The following EPB41 variants were observed in gnomAD, a reference collection of about 807,000 sequenced individuals.
EPB41 encodes the protein protein 4.1.
In EPB41, 65 loss-of-function variants were observed where a neutral mutation model predicts 108.0. The observed-to-expected ratio is 0.60, with a 90% CI of 0.49 to 0.74. The LOEUF is 0.74. Ranked by LOEUF, EPB41 falls within the 30% of genes least tolerant of loss-of-function variation. EPB41 has a pLI of 0.00. For missense variants in EPB41, 875 were observed against 1,037.0 expected (o/e 0.84, Z 2.15); for synonymous variants, 336 against 358.9 (o/e 0.94, Z 0.72).
intron 1 of EPB41, among the ~76,000 whole-genome samples, chr1:28,891,529 C>T (rs1444063509): frequency 6.6e-6 from 1 of 152,132 alleles, no homozygotes; most frequent in Non-Finnish European, 1.5e-5. Context: ...AAGTGGCACC[C>T]CTGAGGACAC....
chr1:29,011,936 C>A, intron 5 of EPB41, 29 bp downstream of exon 5: 1 of 1,612,364 alleles, frequency 6.2e-7, no homozygotes, highest in African/African-American at 1.3e-5. Context: ...TTTTATAGTT[C>A]TTTCTTTCTT....
chr1:29,013,017 A>T (rs1485223104), intron 5 of EPB41, among the ~76,000 whole-genome samples: 1 of 152,174 alleles, frequency 6.6e-6, no homozygotes, highest in Non-Finnish European at 1.5e-5. Flanking sequence ...AAGTTAACAG[A>T]GTTTATGATG....
At chr1:29,073,988 T>C (rs1371654404) in intron 16 of EPB41, among the ~76,000 whole-genome samples, 5 of 152,178 alleles carry the variant, frequency 3.3e-5, no homozygotes. Flanking sequence ...GTAATACTTC[T>C]TATAGATAAG....
rs113538551 is a variant in EPB41 at position 28,901,683 on chromosome 1, G to A, written c.-8+14473G>A. Among the ~76,000 whole-genome samples the A allele has an allele frequency of 8.5e-3, 1,295 of 151,948 alleles. 16 individuals are homozygous for A. Among genetic ancestry groups the A allele is most frequent in the African/African-American group, 0.03 (1,255 of 41,412 alleles). On this transcript the variant is annotated intron_variant, in intron 1 of 16. Transcript: ENST00000347529. ...TGAGTAGCTGGGATTACAGGCACCC[G>A]CCACCACGCCCATCTAATTTTTGTA...
intron 7 of EPB41, among the ~76,000 whole-genome samples, chr1:29,029,628 A>G (rs1289618862): frequency 4.6e-5 from 7 of 152,210 alleles, no homozygotes. Flanking sequence ...GCTCTATATA[A>G]CAGCTCATGA....
At chr1:28,942,415 T>C (rs2094325286) in intron 1 of EPB41, among the ~76,000 whole-genome samples, 1 of 152,188 alleles carries the variant, frequency 6.6e-6, no homozygotes, top group African/African-American at 2.4e-5. Flanking sequence ...GTTCAATCAG[T>C]TTGCTAGAGG....
At position 29,061,587 on chromosome 1, in the gene EPB41, T is replaced by G. The variant is rs192167774; in HGVS notation, c.2007+1103T>G. Among the ~76,000 whole-genome samples, 497 of 140,036 alleles carry G rather than the reference T, an allele frequency of 3.5e-3. 5 individuals carry two copies. Among genetic ancestry groups the G allele is most frequent in the African/African-American group, 0.012 (460 of 37,324 alleles). 91.9% of individuals were successfully genotyped at this position (140,036 alleles called of 152,430 possible). A position where few individuals can be genotyped will look rare whatever the true frequency, so the allele number is the denominator to read the frequency against. ...CCTGGCCTTTGTTTTTTTTTTTTTTTTTTTTTTTTTTGAGGCGGGTCTCAC... is the reference window on the plus strand; with the variant it reads ...CCTGGCCTTTGTTTTTTTTTTTTTTGTTTTTTTTTTTGAGGCGGGTCTCAC... On this transcript the variant is annotated intron_variant, in intron 15 of 20. Transcript: ENST00000343067.
intron 1 of EPB41, among the ~76,000 whole-genome samples, chr1:28,920,110 A>G (rs2092968507): frequency 6.6e-6 from 1 of 152,162 alleles, no homozygotes; most frequent in Non-Finnish European, 1.5e-5. Flanking sequence ...GGAAGGGGCA[A>G]GATTATCTGT....
At chr1:28,895,763 T>C (rs2090596181) in intron 1 of EPB41, among the ~76,000 whole-genome samples, 1 of 152,134 alleles carries the variant, frequency 6.6e-6, no homozygotes, top group African/African-American at 2.4e-5. Flanking sequence ...GCTGGGATTA[T>C]AGGTGTGAGC....
intron 4 of EPB41, among the ~76,000 whole-genome samples, chr1:29,007,088 A>G (rs2096417226): frequency 6.7e-6 from 1 of 149,966 alleles, no homozygotes. Flanking sequence ...GTTCATTCTC[A>G]TTACTGTATA....
intron 15 of EPB41, among the ~76,000 whole-genome samples, chr1:29,062,127 T>C (rs980194314): frequency 6.6e-6 from 1 of 152,246 alleles, no homozygotes; most frequent in African/African-American, 2.4e-5. Flanking sequence ...ATTTCAAACT[T>C]GGCAACTGGA....
chr1:28,982,849 A>G (rs907367488), intron 1 of EPB41, among the ~76,000 whole-genome samples: 1 of 152,230 alleles, frequency 6.6e-6, no homozygotes, highest in Non-Finnish European at 1.5e-5. Context: ...AAAGTAGCCT[A>G]TGAAGTGTTC....
chr1:28,917,704 C>T (rs2092784111), intron 1 of EPB41, among the ~76,000 whole-genome samples: 1 of 152,092 alleles, frequency 6.6e-6, no homozygotes, highest in Admixed American at 6.6e-5. Flanking sequence ...CCTGAGCCTC[C>T]TGAGCAGCTG....
At chr1:28,916,689 C>T (rs940672523) in intron 1 of EPB41, among the ~76,000 whole-genome samples, 2 of 152,174 alleles carry the variant, frequency 1.3e-5, no homozygotes, top group African/African-American at 2.4e-5. Context: ...CCTTCTGATT[C>T]CTCTGTCTTC....
chr1:28,931,584 A>G (rs1383717549), intron 1 of EPB41, among the ~76,000 whole-genome samples: 5 of 148,440 alleles, frequency 3.4e-5, no homozygotes, highest in Admixed American at 1.4e-4. Flanking sequence ...GCTGGAGTGC[A>G]GTGGTGCGAT....
At chr1:28,926,563 G>T (rs146719860) in intron 1 of EPB41, among the ~76,000 whole-genome samples, 1 of 152,298 alleles carries the variant, frequency 6.6e-6, no homozygotes, top group Non-Finnish European at 1.5e-5. Flanking sequence ...TTCTGTCAAA[G>T]CCAATGATTT....
intron 17 of EPB41, among the ~76,000 whole-genome samples, chr1:29,103,030 C>A (rs1474203681): frequency 7.2e-5 from 11 of 152,162 alleles, no homozygotes; most frequent in Non-Finnish European, 1.6e-4. Flanking sequence ...ACCTTGGCCT[C>A]CCAAAGTGCT....
chr1:29,095,167 T>C (rs888581599), intron 16 of EPB41, among the ~76,000 whole-genome samples: 1 of 152,170 alleles, frequency 6.6e-6, no homozygotes, highest in African/African-American at 2.4e-5. Context: ...TAGAACTGTT[T>C]TTCCTGTGGA....
intron 15 of EPB41, among the ~76,000 whole-genome samples, 174 bp downstream of exon 15, chr1:29,060,658 C>T (rs1018200968): frequency 2.0e-5 from 3 of 152,170 alleles, no homozygotes; most frequent in Non-Finnish European, 2.9e-5. Flanking sequence ...GCAAACATCT[C>T]GCCTTCTGAT....
Sources: gnomAD v4.1 joint callset for allele counts (sites outside exome capture counted in the v4.1 genomes callset) on GRCh38, gnomAD v4.1.1 for gene constraint, MANE v1.5 for transcripts, NCBI Gene and HGNC (gene_info 2026-07-23, HGNC 2026-07-21) for gene names.